COL24A1: variants seen among roughly 807,000 people sequenced by gnomAD.
COL24A1 encodes collagen alpha-1(XXIV) chain.
COL24A1 carries 224 observed loss-of-function variants against 253.9 expected under a neutral mutation model. The ratio of observed to expected loss-of-function variants is 0.88; its 90% CI spans 0.79 to 0.99. The LOEUF (loss-of-function observed/expected upper bound fraction) is 0.99. Among genes scored for constraint, COL24A1 ranks in the 50% least tolerant of loss-of-function variants. The pLI is 0.00. For synonymous variants in COL24A1, 685 were observed against 673.7 expected, an observed-to-expected ratio of 1.02 and a Z score of -0.26; for missense variants, 2,131 against 2,068.5, an observed-to-expected ratio of 1.03 and a Z score of -0.59.
chr1:85,764,683 T>C (rs754883690), intron 53 of COL24A1, among the ~76,000 whole-genome samples: 11 of 152,228 alleles, frequency 7.2e-5, no homozygotes, highest in Admixed American at 1.3e-4. Context: ...TAAATTGTAA[T>C]ATAATAGGTC....
intron 24 of COL24A1, among the ~76,000 whole-genome samples, chr1:85,954,081 T>C (rs928192599): frequency 6.6e-6 from 1 of 152,190 alleles, no homozygotes; most frequent in African/African-American, 2.4e-5. Context: ...TTTTTACAAT[T>C]TGGGCAATCT....
chr1:85,992,826 C>G (rs1452001301), intron 19 of COL24A1, among the ~76,000 whole-genome samples: 1 of 152,106 alleles, frequency 6.6e-6, no homozygotes, highest in Non-Finnish European at 1.5e-5. Flanking sequence ...AAATATAATA[C>G]CTTAGTGAAG....
In COL24A1 at chr1:85,868,519, C is replaced by G. The variant is rs773440729; in HGVS notation, c.3300G>C (p.Pro1100=). The change falls in exon 37 of 60, where the codon CCG becomes CCC. Residue 1100 remains proline, a splice_region_variant and synonymous_variant. Transcript: ENST00000370571. ...PLGRSGQTGL[P]GPEGIVGIPG... ...TGAAAGTGAACCCAGCAGTACTTAC[C>G]GGAAGGCCTGTTTGGCCTGATCTAC... 6.2e-7 allele frequency: 1 copy of G among 1,610,934 alleles called. No homozygotes were observed. The highest frequency in any genetic ancestry group is 1.1e-5 in the South Asian group (1 of 90,974).
rs182652899 is a variant in COL24A1 at position 86,057,099 on chromosome 1, G to C, written c.1851+832C>G. On this transcript the variant is annotated intron_variant, in intron 10 of 59. Coordinates refer to ENST00000370571, the MANE Select transcript of COL24A1 (RefSeq NM_152890.7). Reference sequence around the variant, plus strand: ...GGCCTGGTGGGAAGTGACTGGATTGGGGGGCGGATCCCTCGTGGATGGTTT... The same window carrying C: ...GGCCTGGTGGGAAGTGACTGGATTGCGGGGCGGATCCCTCGTGGATGGTTT... Among the ~76,000 whole-genome samples the C allele has an allele frequency of 2.9e-3, 434 of 152,200 alleles. 7 individuals carry two copies. The highest frequency in any genetic ancestry group is 0.023 in the Admixed American group (350 of 15,278).
intron 57 of COL24A1, among the ~76,000 whole-genome samples, chr1:85,744,243 A>G (rs558173454): frequency 6.6e-6 from 1 of 152,178 alleles, no homozygotes; most frequent in African/African-American, 2.4e-5. Context: ...ATGGTCATCA[A>G]TTCTAGAAGG....
intron 1 of COL24A1, among the ~76,000 whole-genome samples, chr1:86,151,246 T>G (rs911268672): frequency 1.3e-5 from 2 of 152,120 alleles, no homozygotes; most frequent in South Asian, 2.1e-4. Flanking sequence ...TTTAGTTTAC[T>G]CCCACAAACA....
intron 24 of COL24A1, among the ~76,000 whole-genome samples, chr1:85,941,074 T>C (rs755268564): frequency 3.9e-5 from 6 of 152,200 alleles, no homozygotes; most frequent in Non-Finnish European, 8.8e-5. Flanking sequence ...AGGAATTCTC[T>C]TGCTATGACA....
At chr1:86,141,370 T>C (rs904310827) in intron 2 of COL24A1, among the ~76,000 whole-genome samples, 3 of 152,152 alleles carry the variant, frequency 2.0e-5, no homozygotes, top group African/African-American at 7.2e-5. Context: ...CAAAGGTTAA[T>C]GACATAGAAG....
At chr1:85,997,763 G>GAAAA (rs56060135) in intron 19 of COL24A1, among the ~76,000 whole-genome samples, 1 of 136,136 alleles carries the variant, frequency 7.3e-6, no homozygotes. Context: ...CCTGGCTACA[G>GAAAA]AAAAAAAAAA....
intron 59 of COL24A1, among the ~76,000 whole-genome samples, chr1:85,732,770 A>G (rs1453201004): frequency 6.6e-6 from 1 of 152,192 alleles, no homozygotes; most frequent in Non-Finnish European, 1.5e-5. Flanking sequence ...GACCAATAAT[A>G]TATTCTTTAC....
chr1:86,033,934 G>T lies in COL24A1; in HGVS notation c.1951-11C>A. ...GTCACCTGGAAAACCCTGTCACAGG[G>T]AAAGAGGAAGAATGCCAACATATAT... On this transcript the variant is annotated splice_polypyrimidine_tract_variant and intron_variant, in intron 12 of 59. Coordinates refer to ENST00000370571, the MANE Select transcript of COL24A1 (RefSeq NM_152890.7). The T allele has an allele frequency of 6.3e-7, 1 of 1,584,894 alleles. No homozygotes were observed. Among genetic ancestry groups the T allele is most frequent in the East Asian group, 2.3e-5 (1 of 43,556 alleles).
At chr1:85,905,270 A>G (rs1162910181) in intron 28 of COL24A1, among the ~76,000 whole-genome samples, 1 of 152,130 alleles carries the variant, frequency 6.6e-6, no homozygotes, top group Non-Finnish European at 1.5e-5. Flanking sequence ...CATTTATCTC[A>G]GTAGGCTGGA....
intron 53 of COL24A1, among the ~76,000 whole-genome samples, chr1:85,761,938 CT>C (rs1402661153): frequency 6.6e-6 from 1 of 152,074 alleles, no homozygotes; most frequent in Non-Finnish European, 1.5e-5. Flanking sequence ...CATTAATTTC[CT>C]TTATCTACCT....
intron 18 of COL24A1, 115 bp from the exon 19 acceptor site, chr1:86,017,319 C>G: frequency 2.1e-6 from 2 of 956,180 alleles, no homozygotes; most frequent in Non-Finnish European, 3.0e-6. Flanking sequence ...TCATGTCAAA[C>G]AAGGTTGTAA....
intron 24 of COL24A1, among the ~76,000 whole-genome samples, chr1:85,920,421 G>A (rs1387737564): frequency 1.3e-5 from 2 of 152,208 alleles, no homozygotes; most frequent in African/African-American, 2.4e-5. Context: ...AATATGTGTA[G>A]GGGAATAGGC....
chr1:86,059,200 T>A, intron 8 of COL24A1, 26 bp from the exon 9 acceptor site: 1 of 1,554,266 alleles, frequency 6.4e-7, no homozygotes, highest in Non-Finnish European at 8.8e-7. Flanking sequence ...AAATGAACAG[T>A]ATAGCAAAGC....
intron 1 of COL24A1, among the ~76,000 whole-genome samples, chr1:86,147,174 G>GTA (rs1439598947): frequency 1.3e-5 from 2 of 151,992 alleles, no homozygotes; most frequent in African/African-American, 4.8e-5. Flanking sequence ...GTAGTAATTG[G>GTA]TACATTTTCT....
rs201235916 is a variant in COL24A1, at chr1:85,829,194, G to T, written c.3682-5456C>A. Among the ~76,000 whole-genome samples the T allele has an allele frequency of 6.7e-3, 1,014 of 150,990 alleles. 29 individuals carry two copies. Among genetic ancestry groups the T allele is most frequent in the East Asian group, 0.051 (264 of 5,152 alleles). On this transcript the variant is annotated intron_variant, in intron 43 of 59. Coordinates refer to ENST00000370571, the MANE Select transcript of COL24A1 (RefSeq NM_152890.7). Reference sequence around the variant, plus strand: ...TCCTTCACTTATGAAGCTTAGTTTGGCTGGATATGAAATTCTGGGTTGAAA... The same window carrying T: ...TCCTTCACTTATGAAGCTTAGTTTGTCTGGATATGAAATTCTGGGTTGAAA...
intron 43 of COL24A1, among the ~76,000 whole-genome samples, chr1:85,830,367 G>A (rs143722688): frequency 6.6e-6 from 1 of 152,260 alleles, no homozygotes; most frequent in Admixed American, 6.6e-5. Context: ...GGTTACTGCT[G>A]TCTTTTTGTC....
Sources: allele counts gnomAD v4.1 joint callset (sites outside exome capture counted in the v4.1 genomes callset), GRCh38; gene constraint gnomAD v4.1.1; transcripts MANE v1.5; gene names NCBI Gene and HGNC (gene_info 2026-07-23, HGNC 2026-07-21).